LGSN: variants seen among roughly 807,000 people sequenced by gnomAD.
The protein encoded by LGSN is lengsin.
LGSN carries 21 observed loss-of-function variants against 19.5 expected under a neutral mutation model. The observed-to-expected ratio is 1.07, with a 90% CI of 0.76 to 1.55. The LOEUF is 1.55. LGSN is among the 40% of genes most tolerant of loss of function. LGSN has a pLI of 0.00. For missense variants in LGSN, 673 were observed against 608.5 expected (o/e 1.11, Z -1.12); for synonymous variants, 257 against 215.6 (o/e 1.19, Z -1.68).
chr6:63,482,263 C>T, the LGSN span, among the ~76,000 whole-genome samples: 706 of 152,254 alleles, frequency 4.6e-3, 7 homozygotes, highest in South Asian at 0.016. Flanking sequence ...ATCTTCCCAA[C>T]ACCTAGATCA....
At chr6:63,490,567 T>A in the LGSN span, among the ~76,000 whole-genome samples, 1 of 152,028 alleles carries the variant, frequency 6.6e-6, no homozygotes, top group Non-Finnish European at 1.5e-5. Flanking sequence ...TTTATTTTTA[T>A]TTTTTATTTA....
chr6:63,555,640 T>C, the LGSN span, among the ~76,000 whole-genome samples: 1 of 151,976 alleles, frequency 6.6e-6, no homozygotes, highest in Non-Finnish European at 1.5e-5. Flanking sequence ...ATCCACTCTG[T>C]CTAGCAATGG....
chr6:63,549,021 G>A, the LGSN span: 1 of 727,950 alleles, frequency 1.4e-6, no homozygotes, highest in African/African-American at 1.7e-5. Flanking sequence ...CAGCTCGATG[G>A]GATCCACGTC....
At chr6:63,381,212 G>T in the LGSN span, among the ~76,000 whole-genome samples, 1 of 151,970 alleles carries the variant, frequency 6.6e-6, no homozygotes, top group South Asian at 2.1e-4. Context: ...AAAGAAAGAA[G>T]AAAAAAATTT....
chr6:63,485,648 C>T, the LGSN span, among the ~76,000 whole-genome samples: 9 of 152,176 alleles, frequency 5.9e-5, no homozygotes, highest in African/African-American at 2.4e-5. Flanking sequence ...TAGACTCCCA[C>T]CAACAGTATA....
chr6:63,559,781 A>C, the LGSN span, among the ~76,000 whole-genome samples: 348 of 152,094 alleles, frequency 2.3e-3, 2 homozygotes, highest in African/African-American at 7.9e-3. Context: ...ACAGCCAGGC[A>C]TGGTCGTTCA....
chr6:63,423,524 T>C, the LGSN span, among the ~76,000 whole-genome samples: 6 of 149,796 alleles, frequency 4.0e-5, no homozygotes, highest in Non-Finnish European at 8.9e-5. Context: ...CACAGGAGGC[T>C]GAGGTGGGAG....
the LGSN span, among the ~76,000 whole-genome samples, chr6:63,363,203 T>C: frequency 6.6e-6 from 1 of 152,154 alleles, no homozygotes; most frequent in Admixed American, 6.5e-5. Flanking sequence ...TATGTCACCA[T>C]CATCAAAGAC....
At position 63,319,973 on chromosome 6, in the gene LGSN, AC is replaced by A. The variant is rs1479945962; in HGVS notation, c.-31del. On this transcript the variant is annotated 5_prime_UTR_variant, in exon 1 of 4. Transcript: ENST00000370657. Reference sequence around the variant, plus strand: ...ACACTTTTTAAGTTCAGCGTTAGAAACCACAATATCCTCAACAAATGCATTC... The same window carrying A: ...ACACTTTTTAAGTTCAGCGTTAGAAACACAATATCCTCAACAAATGCATTC... 1.9e-6 allele frequency: 3 copies of A among 1,566,680 alleles called. No homozygotes were observed. The highest frequency in any genetic ancestry group is 1.7e-4 in the Middle Eastern group (1 of 5,958).
At position 63,276,178 on chromosome 6, in the gene LGSN, T is replaced by C. The variant is rs144337386; in HGVS notation, c.*3843A>G. ...ATCATAAACATATTGGTGAGTGTAT[T>C]TTGTCAAACAGGTGACTGGAGATAT... On this transcript the variant is annotated 3_prime_UTR_variant, in exon 4 of 4. Transcript: ENST00000370657. The C allele has an allele frequency of 3.4e-4, 52 of 152,342 alleles. No individual in the cohort carries two copies. The highest frequency in any genetic ancestry group is 1.2e-3 in the African/African-American group (49 of 41,582). 9.4% of individuals were successfully genotyped at this position (152,342 alleles called of 1,614,324 possible).
At chr6:63,405,808 C>T in the LGSN span, among the ~76,000 whole-genome samples, 2 of 151,902 alleles carry the variant, frequency 1.3e-5, no homozygotes, top group Non-Finnish European at 2.9e-5. Flanking sequence ...CACACATAGG[C>T]TCAAAATAAA....
chr6:63,297,584 T>C (rs1341799767), intron 1 of LGSN, among the ~76,000 whole-genome samples: 1 of 152,162 alleles, frequency 6.6e-6, no homozygotes, highest in African/African-American at 2.4e-5. Flanking sequence ...CGAGTATTTT[T>C]ATTCTCCTTA....
At chr6:63,361,253 G>A in the LGSN span, among the ~76,000 whole-genome samples, 3 of 152,218 alleles carry the variant, frequency 2.0e-5, no homozygotes, top group Admixed American at 1.3e-4. Context: ...TGCCCCCTGA[G>A]GTGGAGTCTA....
chr6:63,562,301 G>C, the LGSN span, among the ~76,000 whole-genome samples: 1 of 151,420 alleles, frequency 6.6e-6, no homozygotes, highest in Non-Finnish European at 1.5e-5. Context: ...CCGGGTTCAA[G>C]TGATTCTTCT....
the LGSN span, among the ~76,000 whole-genome samples, chr6:63,358,615 A>G: frequency 2.0e-5 from 3 of 152,180 alleles, no homozygotes; most frequent in Non-Finnish European, 2.9e-5. Context: ...GAGTTCACTC[A>G]TGATTTGGCT....
At chr6:63,446,059 G>A in the LGSN span, among the ~76,000 whole-genome samples, 1 of 152,006 alleles carries the variant, frequency 6.6e-6, no homozygotes, top group Non-Finnish European at 1.5e-5. Flanking sequence ...GACCAGCCCA[G>A]CCAATACGGT....
chr6:63,449,321 C>T, the LGSN span, among the ~76,000 whole-genome samples: 9 of 151,826 alleles, frequency 5.9e-5, no homozygotes, highest in East Asian at 1.9e-4. Context: ...CCGAGGCGGG[C>T]GGATCACAAG....
chr6:63,436,358 C>G, the LGSN span, among the ~76,000 whole-genome samples: 1 of 152,176 alleles, frequency 6.6e-6, no homozygotes, highest in African/African-American at 2.4e-5. Context: ...CACCTCACCT[C>G]TTAAAGTGCT....
chr6:63,362,861 C>T, the LGSN span, among the ~76,000 whole-genome samples: 1 of 152,308 alleles, frequency 6.6e-6, no homozygotes, highest in African/African-American at 2.4e-5. Flanking sequence ...GTTCTCCCAG[C>T]ACAGAGTTTG....
Sources: allele counts gnomAD v4.1 joint callset (sites outside exome capture counted in the v4.1 genomes callset), GRCh38; gene constraint gnomAD v4.1.1; transcripts MANE v1.5; gene names NCBI Gene and HGNC (gene_info 2026-07-23, HGNC 2026-07-21).